Variants in DENND1A observed in about 807,000 individuals in gnomAD.
DENND1A encodes the protein DENN domain-containing protein 1A.
A neutral mutation model predicts 113.7 loss-of-function variants in DENND1A; 51 were observed. The observed-to-expected ratio is 0.45, with a 90% confidence interval of 0.36 to 0.57. DENND1A has a LOEUF of 0.57. Ranked by LOEUF, DENND1A falls within the 20% of genes least tolerant of loss-of-function variation. The probability of loss-of-function intolerance (pLI) is 0.00; values close to 1 mark genes in which losing one functional copy is unlikely to be tolerated. For missense variants in DENND1A, 1,258 were observed against 1,395.9 expected (o/e 0.90, Z 1.57); for synonymous variants, 565 against 570.8 (o/e 0.99, Z 0.14).
intron 13 of DENND1A, among the ~76,000 whole-genome samples, chr9:123,523,765 A>C (rs549394510): frequency 1.3e-5 from 2 of 152,338 alleles, no homozygotes; most frequent in South Asian, 4.1e-4. Context: ...CAGGCTTTAG[A>C]ATCAACTGGC....
At chr9:123,656,516 G>A (rs574405255) in intron 8 of DENND1A, among the ~76,000 whole-genome samples, 5 of 152,122 alleles carry the variant, frequency 3.3e-5, no homozygotes, top group Admixed American at 6.5e-5. Context: ...AGGACTTGAC[G>A]ATGAATTAGA....
chr9:123,814,597 G>A (rs1319064183), intron 2 of DENND1A, among the ~76,000 whole-genome samples: 1 of 152,088 alleles, frequency 6.6e-6, no homozygotes, highest in Non-Finnish European at 1.5e-5. Flanking sequence ...TACAAGTATT[G>A]TATTGTTCAA....
intron 13 of DENND1A, among the ~76,000 whole-genome samples, chr9:123,484,843 G>A (rs376521280): frequency 1.3e-5 from 2 of 152,160 alleles, no homozygotes; most frequent in East Asian, 1.9e-4. Context: ...ACTGGCCATG[G>A]AGCCCAGCAG....
At chr9:123,622,985 T>C (rs1429619175) in intron 10 of DENND1A, among the ~76,000 whole-genome samples, 1 of 152,174 alleles carries the variant, frequency 6.6e-6, no homozygotes, top group Non-Finnish European at 1.5e-5. Flanking sequence ...AGATCTAAAG[T>C]AGAAAGGAAC....
chr9:123,809,456 T>A (rs1836168788), intron 2 of DENND1A, among the ~76,000 whole-genome samples: 1 of 152,232 alleles, frequency 6.6e-6, no homozygotes, highest in African/African-American at 2.4e-5. Flanking sequence ...TCTATCATTC[T>A]ATGATCTAAA....
chr9:123,744,555 C>T (rs1317971009), intron 5 of DENND1A, among the ~76,000 whole-genome samples: 2 of 152,008 alleles, frequency 1.3e-5, no homozygotes, highest in Non-Finnish European at 2.9e-5. Context: ...AATGTTGGAC[C>T]ATTTTACAAC....
intron 19 of DENND1A, among the ~76,000 whole-genome samples, chr9:123,427,848 T>G (rs1173116222): frequency 1.3e-5 from 2 of 152,134 alleles, no homozygotes; most frequent in African/African-American, 2.4e-5. Context: ...GTCCAGCGAG[T>G]CAATGCCGTG....
chr9:123,446,601 G>T (rs1467840278), intron 18 of DENND1A, among the ~76,000 whole-genome samples: 2 of 152,148 alleles, frequency 1.3e-5, no homozygotes, highest in African/African-American at 4.8e-5. Context: ...TAGGAGGGAG[G>T]ATCACTTGAG....
At chr9:123,732,712 A>T (rs1005182205) in intron 5 of DENND1A, among the ~76,000 whole-genome samples, 1 of 152,248 alleles carries the variant, frequency 6.6e-6, no homozygotes, top group African/African-American at 2.4e-5. Context: ...CAAATCTATT[A>T]ATTTTGAAAA....
chr9:123,875,976 T>C (rs766465511), intron 2 of DENND1A, among the ~76,000 whole-genome samples: 1 of 152,246 alleles, frequency 6.6e-6, no homozygotes, highest in Non-Finnish European at 1.5e-5. Context: ...TGGATCATAA[T>C]AACATGGTTA....
intron 3 of DENND1A, among the ~76,000 whole-genome samples, chr9:123,791,501 T>C (rs1832986741): frequency 6.6e-6 from 1 of 152,164 alleles, no homozygotes; most frequent in Non-Finnish European, 1.5e-5. Flanking sequence ...ACCAGTTCTC[T>C]TGGGTTCTTG....
chr9:123,583,107 G>T, intron 12 of DENND1A, 62 bp downstream of exon 12: 1 of 1,284,832 alleles, frequency 7.8e-7, no homozygotes, highest in Non-Finnish European at 1.1e-6. Flanking sequence ...ATTCCCCAAA[G>T]TCACGTTCAT....
At chr9:123,484,817 C>A (rs1588765496) in intron 13 of DENND1A, among the ~76,000 whole-genome samples, 1 of 152,162 alleles carries the variant, frequency 6.6e-6, no homozygotes, top group East Asian at 1.9e-4. Context: ...AGCTTCTGGG[C>A]AACAGTGGGG....
intron 13 of DENND1A, among the ~76,000 whole-genome samples, chr9:123,532,644 A>G (rs1315783851): frequency 6.6e-6 from 1 of 152,222 alleles, no homozygotes; most frequent in East Asian, 1.9e-4. Context: ...TGAAAAATCA[A>G]GTGAAATCTA....
intron 5 of DENND1A, among the ~76,000 whole-genome samples, chr9:123,739,088 G>T (rs558910818): frequency 6.6e-6 from 1 of 152,022 alleles, no homozygotes; most frequent in African/African-American, 2.4e-5. Flanking sequence ...AAAATCTGAA[G>T]GACATAATCA....
At chr9:123,767,121 C>T (rs1371565318) in intron 4 of DENND1A, among the ~76,000 whole-genome samples, 1 of 152,110 alleles carries the variant, frequency 6.6e-6, no homozygotes. Context: ...TTTGACAGTG[C>T]TAACTGCAAA....
chr9:123,751,925 T>C (rs1350453744), intron 5 of DENND1A: 10 of 152,190 alleles, frequency 6.6e-5, no homozygotes, highest in Admixed American at 5.9e-4. Context: ...TACACATAAA[T>C]ATGTTTTCTT....
chr9:123,730,189 T>C (rs1370771347), intron 5 of DENND1A, among the ~76,000 whole-genome samples: 3 of 152,176 alleles, frequency 2.0e-5, no homozygotes, highest in Non-Finnish European at 4.4e-5. Context: ...ATTCAGGACA[T>C]AGGCATGGGC....
chr9:123,807,475 T>C (rs1835789117), intron 2 of DENND1A, among the ~76,000 whole-genome samples: 1 of 152,242 alleles, frequency 6.6e-6, no homozygotes, highest in Non-Finnish European at 1.5e-5. Flanking sequence ...TTTCTCGTCT[T>C]CGACTGTTAA....
Sources: allele counts gnomAD v4.1 joint callset (sites outside exome capture counted in the v4.1 genomes callset), GRCh38; gene constraint gnomAD v4.1.1; transcripts MANE v1.5; gene names NCBI Gene and HGNC (gene_info 2026-07-23, HGNC 2026-07-21).